THSD1: variants seen among roughly 807,000 people sequenced by gnomAD.
THSD1 encodes the protein thrombospondin type 1 domain containing 1, also known as thrombospondin type-1 domain-containing protein 1.
Under a neutral mutation model 46.3 loss-of-function variants are expected in THSD1, and 34 were observed. That is an observed-to-expected ratio of 0.74 (90% CI 0.56 to 0.98). The LOEUF (loss-of-function observed/expected upper bound fraction) is 0.98. THSD1 is among the 50% of genes least tolerant of loss of function. THSD1 has a pLI of 0.00. For missense variants in THSD1, 1,023 were observed against 1,058.3 expected (o/e 0.97, Z 0.46); for synonymous variants, 407 against 416.5 (o/e 0.98, Z 0.28).
intron 3 of THSD1, among the ~76,000 whole-genome samples, chr13:52,387,987 C>T (rs1957746220): frequency 6.6e-6 from 1 of 151,974 alleles, no homozygotes. Flanking sequence ...ATAGAAAAAG[C>T]AATACTGTAC....
At chr13:52,390,817 C>T (rs1447246571) in intron 3 of THSD1, among the ~76,000 whole-genome samples, 1 of 151,996 alleles carries the variant, frequency 6.6e-6, no homozygotes, top group Non-Finnish European at 1.5e-5. Flanking sequence ...TTTTGTTGTT[C>T]CTTCTGAACT....
At chr13:52,394,928 A>T (rs1336643379) in intron 3 of THSD1, among the ~76,000 whole-genome samples, 1 of 152,200 alleles carries the variant, frequency 6.6e-6, no homozygotes, top group Non-Finnish European at 1.5e-5. Context: ...GAACGAAAAG[A>T]TGCTGCCCCA....
At chr13:52,396,319 C>T (rs999639863) in intron 3 of THSD1, among the ~76,000 whole-genome samples, 1 of 152,018 alleles carries the variant, frequency 6.6e-6, no homozygotes, top group African/African-American at 2.4e-5. Flanking sequence ...GTCAGGAGAT[C>T]GAGACCATCC....
At chr13:52,387,241 A>G (rs1021122138) in intron 3 of THSD1, among the ~76,000 whole-genome samples, 1 of 152,200 alleles carries the variant, frequency 6.6e-6, no homozygotes, top group Non-Finnish European at 1.5e-5. Context: ...CACTCAAAAA[A>G]TGTCAAATGT....
chr13:52,378,459 A>G lies in THSD1; in HGVS notation c.1511T>C (p.Val504Ala), dbSNP rs542337565. ...IPLTYRRSGP[V>A]PPEDDASGSE... ...GCCAGAGGCATCATCCTCGGGAGGT[A>G]CCGGCCCGCTCCGCCTGTAGGTCAG... Residue 504 changes from valine to alanine, a missense_variant, in exon 5 of 5, where the codon GTA (valine) becomes GCA (alanine). Physicochemically the swap from Val to Ala is moderately conservative, Grantham distance 64. Around this residue, in one of 3 missense-constraint regions of THSD1, gnomAD observed 578 missense variants for 497.4 expected, o/e 1.16. Transcript: ENST00000258613. 1 of 1,614,128 alleles carries G rather than the reference A, an allele frequency of 6.2e-7. No homozygotes were observed. The highest frequency in any genetic ancestry group is 2.2e-5 in the East Asian group (1 of 44,874).
rs551290422 is a variant in THSD1, at chr13:52,388,966, C to CT, written c.1022-2781dup. ...ACTCTAGGACAACCACTAAATAACACTTTTTTTTTTTTTGAGACAGATCTT... is the reference window on the plus strand; with the variant it reads ...ACTCTAGGACAACCACTAAATAACACTTTTTTTTTTTTTTGAGACAGATCTT... On this transcript the variant is annotated intron_variant, in intron 3 of 4. Transcript: ENST00000258613. 7.9e-3 allele frequency among the ~76,000 whole-genome samples: 1,136 copies of CT among 144,320 alleles called. 8 individuals carry two copies. Among genetic ancestry groups the CT allele is most frequent in the African/African-American group, 0.023 (912 of 39,328 alleles). The allele number at this position is 144,320 out of a possible 152,430, so 94.7% of individuals were successfully genotyped here.
In THSD1 at chr13:52,392,052, C is replaced by T. The variant is rs556844721; in HGVS notation, c.1021+5180G>A. Among the ~76,000 whole-genome samples the T allele has an allele frequency of 3.1e-4, 47 of 151,348 alleles. 2 individuals are homozygous for T. In the East Asian group the frequency reaches 7.2e-3, roughly 23 times the overall value. ...CTAAAAATACAAAAAATTAGCCGGG[C>T]GTGGTGGCGGGCGCCTGTAGTCCCA... On this transcript the variant is annotated intron_variant, in intron 3 of 4. Coordinates refer to ENST00000258613, the MANE Select transcript of THSD1 (RefSeq NM_018676.4).
intron 3 of THSD1, among the ~76,000 whole-genome samples, chr13:52,392,211 A>AAAAG (rs56879281): frequency 6.7e-6 from 1 of 149,884 alleles, no homozygotes; most frequent in Non-Finnish European, 1.5e-5. Context: ...AAAAAAAAAA[A>AAAAG]GTAAAATCAT....
At chr13:52,382,743 GT>G (rs1957702386) in intron 4 of THSD1, among the ~76,000 whole-genome samples, 1 of 152,176 alleles carries the variant, frequency 6.6e-6, no homozygotes. Flanking sequence ...GCTCATGCCT[GT>G]AATCCCAGCA....
chr13:52,379,601 A>G (rs1957675707), intron 4 of THSD1, among the ~76,000 whole-genome samples: 1 of 152,034 alleles, frequency 6.6e-6, no homozygotes, highest in Non-Finnish European at 1.5e-5. Flanking sequence ...CAGCCTCCTG[A>G]GTAGCTGGAA....
chr13:52,394,387 G>A (rs1957796586), intron 3 of THSD1, among the ~76,000 whole-genome samples: 2 of 152,180 alleles, frequency 1.3e-5, no homozygotes. Context: ...GCCGAGGCAG[G>A]TGGATCACCT....
At position 52,378,523 on chromosome 13, in the gene THSD1, C is replaced by G. The variant is rs1957660242; in HGVS notation, c.1447G>C (p.Asp483His). The change falls in exon 5 of 5, where the codon GAC (aspartate) becomes CAC (histidine). Residue 483 changes from aspartate to histidine, a missense_variant. By Grantham distance (81) the Asp-to-His change is moderately conservative. This residue lies in a region of THSD1 where 578 missense variants were observed against 497.4 expected (regional missense o/e 1.16). Coordinates refer to ENST00000258613, the MANE Select transcript of THSD1 (RefSeq NM_018676.4). ...EQRGSFSDGG[D>H]GPTGSPGDTG... ...TCCCCTGGACTCCCCGTGGGCCCGT[C>G]TCCCCCATCCGAGAAGCTCCCGCGC... 6.2e-7 allele frequency: 1 copy of G among 1,614,178 alleles called. No homozygotes were observed. Among genetic ancestry groups the G allele is most frequent in the Non-Finnish European group, 8.5e-7 (1 of 1,180,044 alleles).
chr13:52,396,413 T>C (rs61677410), intron 3 of THSD1, among the ~76,000 whole-genome samples: 10,896 of 152,008 alleles, frequency 0.072, 525 homozygotes, highest in African/African-American at 0.13. Flanking sequence ...TCCCAGCTAC[T>C]CAGAAGGCTG....
intron 2 of THSD1, among the ~76,000 whole-genome samples, chr13:52,400,471 G>T (rs571178866): frequency 6.6e-6 from 1 of 152,148 alleles, no homozygotes; most frequent in South Asian, 2.1e-4. Context: ...GGTGATGGGC[G>T]CCTGTAATCT....
chr13:52,398,428 C>A, intron 2 of THSD1: 3 of 699,286 alleles, frequency 4.3e-6, no homozygotes, highest in Non-Finnish European at 5.3e-6. Flanking sequence ...TGCCACCACA[C>A]CCAGCTAATT....
chr13:52,404,105 G>T (rs144808309), intron 1 of THSD1, among the ~76,000 whole-genome samples: 1 of 151,698 alleles, frequency 6.6e-6, no homozygotes, highest in Non-Finnish European at 1.5e-5. Flanking sequence ...GCACCACCAC[G>T]CTTGGCTAAT....
At chr13:52,384,483 C>T in intron 4 of THSD1, 3 of 448,588 alleles carry the variant, frequency 6.7e-6, no homozygotes. Context: ...TAGAAAAATG[C>T]CTGGCAGGCA....
At chr13:52,393,944 A>G (rs967484096) in intron 3 of THSD1, among the ~76,000 whole-genome samples, 1 of 152,162 alleles carries the variant, frequency 6.6e-6, no homozygotes, top group African/African-American at 2.4e-5. Flanking sequence ...CCACACCAAG[A>G]GCCAGGGTCT....
chr13:52,386,121 G>A lies in THSD1; in HGVS notation c.1087C>T (p.Arg363Cys), dbSNP rs1490313514. The change falls in exon 4 of 5, where the codon CGT becomes TGT. Residue 363 changes from arginine to cysteine, a missense_variant. Physicochemically the swap from Arg to Cys is radical, Grantham distance 180. Coordinates refer to ENST00000258613, the MANE Select transcript of THSD1 (RefSeq NM_018676.4). ...AAGGAAGTGAGACACACTCGGCGAC[G>A]CTCTCTGACACCATCCCCACATGTG... Reference protein sequence around the residue: ...SATCGDGVRERRRVCLTSFPS... With the variant: ...SATCGDGVRECRRVCLTSFPS... 3.1e-6 allele frequency: 5 copies of A among 1,614,022 alleles called. No individual in the cohort carries two copies. Among genetic ancestry groups the A allele is most frequent in the African/African-American group, 1.3e-5 (1 of 74,916 alleles).
Sources: gnomAD v4.1 joint callset for allele counts (sites outside exome capture counted in the v4.1 genomes callset) on GRCh38, gnomAD v4.1.1 for gene constraint, gnomAD v4.1.1 regional missense constraint, MANE v1.5 for transcripts, NCBI Gene and HGNC (gene_info 2026-07-23, HGNC 2026-07-21) for gene names.